Variants in IGF2R observed in about 807,000 individuals in gnomAD.
IGF2R encodes cation-independent mannose-6-phosphate receptor.
In IGF2R, 91 loss-of-function variants were observed where a neutral mutation model predicts 270.6. That is an observed-to-expected ratio of 0.34 (90% CI 0.28 to 0.40). IGF2R has a LOEUF of 0.40. Among genes scored for constraint, IGF2R ranks in the 10% least tolerant of loss-of-function variants. IGF2R has a pLI of 1.00. For missense variants in IGF2R, 2,805 were observed against 3,188.3 expected (o/e 0.88, Z 2.90); for synonymous variants, 1,316 against 1,258.9 (o/e 1.05, Z -0.96).
At chr6:160,081,710 C>T (rs1314536303) in intron 39 of IGF2R, among the ~76,000 whole-genome samples, 1 of 152,208 alleles carries the variant, frequency 6.6e-6, no homozygotes, top group African/African-American at 2.4e-5. Context: ...GGAATGCATT[C>T]TTTTCCCAGG....
In IGF2R at chr6:160,075,851, T is replaced by A; in HGVS notation, c.5171T>A (p.Ile1724Asn). ...KVPIDGPPIDIGRVAGPPILN... is the reference protein window; with the variant it reads ...KVPIDGPPIDNGRVAGPPILN... ...TTGCCCTCGCTCTTTGTTTAGGATA[T>A]CGGCCGGGTAGCAGGACCACCAATA... is the stretch of plus-strand genomic sequence containing the variant. Residue 1724 changes from isoleucine (I) to asparagine (N), a missense_variant, in exon 36 of 48, where the codon ATC becomes AAC. By Grantham distance (149) the Ile-to-Asn change is moderately radical. Coordinates refer to ENST00000356956, the MANE Select transcript of IGF2R (RefSeq NM_000876.4). 1.2e-6 allele frequency: 2 copies of A among 1,613,496 alleles called. No individual in the cohort carries two copies. The highest frequency in any genetic ancestry group is 1.7e-6 in the Non-Finnish European group (2 of 1,179,466).
intron 1 of IGF2R, among the ~76,000 whole-genome samples, chr6:159,978,154 T>G (rs1783722712): frequency 6.6e-6 from 1 of 152,206 alleles, no homozygotes; most frequent in African/African-American, 2.4e-5. Context: ...GTTTCATGAT[T>G]GGCACTCCAC....
At chr6:160,089,289 T>C (rs374097041) in intron 43 of IGF2R, 36 bp downstream of exon 43, 454 of 1,572,826 alleles carry the variant, frequency 2.9e-4, no homozygotes, top group Non-Finnish European at 3.8e-4. Flanking sequence ...CTGTGAAATG[T>C]GTTCAAAATT....
rs8191823 is a variant in IGF2R, at chr6:160,056,771, C to T, written c.2796+246C>T. 3.1e-3 allele frequency among the ~76,000 whole-genome samples: 476 copies of T among 152,314 alleles called. 5 individuals carry two copies. The highest frequency in any genetic ancestry group is 0.011 in the African/African-American group (460 of 41,554). ...ACTGTAGTTTCCTTCCTTTTGTTTC[C>T]ATTCCTTTGTGCCTTCCATGTGGCA... On this transcript the variant is annotated intron_variant, in intron 20 of 47. Transcript: ENST00000356956.
chr6:160,080,003 T>G (rs1177084973), intron 38 of IGF2R, 126 bp from the exon 39 acceptor site: 2 of 1,207,854 alleles, frequency 1.7e-6, no homozygotes. Flanking sequence ...TTTTGGCAGG[T>G]GAATGCCGGT....
At chr6:160,091,979 T>A (rs1038918494) in intron 44 of IGF2R, among the ~76,000 whole-genome samples, 1 of 152,264 alleles carries the variant, frequency 6.6e-6, no homozygotes, top group Admixed American at 6.5e-5. Context: ...GGTTTACATA[T>A]GCTGCTCTTG....
intron 22 of IGF2R, 48 bp downstream of exon 22, chr6:160,059,146 C>A: frequency 6.5e-7 from 1 of 1,530,006 alleles, no homozygotes. Flanking sequence ...GCCCTGGTGG[C>A]TCTGTGGCTG....
chr6:160,042,270 C>T (rs879355847), intron 11 of IGF2R, among the ~76,000 whole-genome samples: 7 of 152,186 alleles, frequency 4.6e-5, no homozygotes, highest in African/African-American at 7.2e-5. Flanking sequence ...TGTTCACATG[C>T]ACAGTCTTGT....
intron 45 of IGF2R, among the ~76,000 whole-genome samples, chr6:160,101,407 G>A (rs1413358754): frequency 2.0e-5 from 3 of 152,162 alleles, no homozygotes; most frequent in African/African-American, 7.2e-5. Context: ...GCTTCTTTCT[G>A]AGCAGAGGTC....
chr6:160,084,657 G>C lies in IGF2R; in HGVS notation c.6069-338G>C, dbSNP rs1779059918. Among the ~76,000 whole-genome samples the C allele has an allele frequency of 6.6e-6, 1 of 152,202 alleles. No homozygotes were observed. Among genetic ancestry groups the C allele is most frequent in the South Asian group, 2.1e-4 (1 of 4,822 alleles). ...GGGCATGGACTCACAGGGTTTAAGTGGTTCTAAGTGAGGTGGGAAACTTGC... is the reference window on the plus strand; with the variant it reads ...GGGCATGGACTCACAGGGTTTAAGTCGTTCTAAGTGAGGTGGGAAACTTGC... On this transcript the variant is annotated intron_variant, in intron 40 of 47. Transcript: ENST00000356956. This position sits in a 1 kb window ranked among gnomAD's most constrained non-coding sequence, Gnocchi z 4.6.
In IGF2R at chr6:160,102,485, G is replaced by A; in HGVS notation, c.6843-34G>A. The A allele has an allele frequency of 6.2e-7, 1 of 1,600,194 alleles. No individual in the cohort carries two copies. Among genetic ancestry groups the A allele is most frequent in the Non-Finnish European group, 8.5e-7 (1 of 1,171,520 alleles). On this transcript the variant is annotated intron_variant, in intron 45 of 47. Coordinates refer to ENST00000356956, the MANE Select transcript of IGF2R (RefSeq NM_000876.4). The surrounding 1 kb of genome is among the most constrained non-coding windows in gnomAD (Gnocchi z 4.5). Reference sequence around the variant, plus strand: ...GTGGCTGTGGCAGCAGGACCACCCTGTGACACGGCTCCTTTTCTGTGACGT... The same window carrying A: ...GTGGCTGTGGCAGCAGGACCACCCTATGACACGGCTCCTTTTCTGTGACGT...
intron 29 of IGF2R, among the ~76,000 whole-genome samples, chr6:160,066,275 A>G (rs1426549492): frequency 5.3e-5 from 8 of 151,930 alleles, no homozygotes; most frequent in Admixed American, 3.9e-4. Context: ...TTGGCCTCCC[A>G]AAGTGCTGGG....
In IGF2R at chr6:160,107,754, C is replaced by T. The variant is rs1248972221; in HGVS notation, c.*2670C>T. 4 of 152,202 alleles carry T rather than the reference C, an allele frequency of 2.6e-5. No individual in the cohort carries two copies. Among genetic ancestry groups the T allele is most frequent in the African/African-American group, 9.7e-5 (4 of 41,442 alleles). 9.4% of individuals were successfully genotyped at this position (152,202 alleles called of 1,614,324 possible). Reference sequence around the variant, plus strand: ...ATTTTAAGAGCATCTGAAGCCTGTACTTCACCAACCCTAAAATAATACGTA... The same window carrying T: ...ATTTTAAGAGCATCTGAAGCCTGTATTTCACCAACCCTAAAATAATACGTA... On this transcript the variant is annotated 3_prime_UTR_variant, in exon 48 of 48. Transcript: ENST00000356956.
Position 160,069,880 on chromosome 6 carries a change from C to G in IGF2R, c.4265C>G (p.Pro1422Arg). 1 of 1,614,080 alleles carries G rather than the reference C, an allele frequency of 6.2e-7. No individual in the cohort carries two copies. Among genetic ancestry groups the G allele is most frequent in the Non-Finnish European group, 8.5e-7 (1 of 1,180,012 alleles). The change falls in exon 31 of 48, where the codon CCA (proline) becomes CGA (arginine). Residue 1422 changes from proline to arginine, a missense_variant. Pro to Arg is a moderately radical substitution (Grantham distance 103). Around this residue, in one of 2 missense-constraint regions of IGF2R, gnomAD observed 1,851 missense variants for 2,207.2 expected, o/e 0.84. Coordinates refer to ENST00000356956, the MANE Select transcript of IGF2R (RefSeq NM_000876.4). Reference sequence around the variant, plus strand: ...TCTGGTGCTGCAGAGCCGTGCCCTCCAGAAGCAGCCGCGTGTCTGCTGGGT... The same window carrying G: ...TCTGGTGCTGCAGAGCCGTGCCCTCGAGAAGCAGCCGCGTGTCTGCTGGGT... The part of the protein sequence containing the change: ...APQAGTEPCP[P>R]EAAACLLGGS...
intron 1 of IGF2R, among the ~76,000 whole-genome samples, chr6:159,976,168 G>T (rs9347368): frequency 0.072 from 10,957 of 151,896 alleles, 430 homozygotes; most frequent in South Asian, 0.092. Context: ...TTTGATTATG[G>T]TTTTTTCTAG....
intron 1 of IGF2R, among the ~76,000 whole-genome samples, chr6:159,986,426 GTGTGT>G (rs1227504611): frequency 7.1e-5 from 8 of 111,952 alleles, no homozygotes; most frequent in South Asian, 3.8e-4. Context: ...GTGTGTGTGT[GTGTGT>G]TTTTTTTTTT....
chr6:160,028,519 A>G (rs1014813120), intron 6 of IGF2R, among the ~76,000 whole-genome samples: 8 of 152,252 alleles, frequency 5.3e-5, no homozygotes, highest in African/African-American at 1.7e-4. Flanking sequence ...CATGTGGGAC[A>G]CTGAGCAAGT....
intron 45 of IGF2R, among the ~76,000 whole-genome samples, chr6:160,099,269 T>G (rs1215862326): frequency 3.3e-5 from 5 of 152,222 alleles, no homozygotes; most frequent in African/African-American, 1.2e-4. Flanking sequence ...CATCGATAGG[T>G]TCTTGGAAAC....
At position 160,084,915 on chromosome 6, in the gene IGF2R, GT is replaced by G; in HGVS notation, c.6069-79del. 7.3e-7 allele frequency: 1 copy of G among 1,371,516 alleles called. No homozygotes were observed. Among genetic ancestry groups the G allele is most frequent in the Non-Finnish European group, 1.0e-6 (1 of 997,610 alleles). 85.0% of individuals were successfully genotyped at this position (1,371,516 alleles called of 1,614,324 possible). Reference sequence around the variant, plus strand: ...TAGTTATCAGAACCTTTCTCTGAAAGTAAAGTGAAGAGCCCTCCTGTGTCAG... The same window carrying G: ...TAGTTATCAGAACCTTTCTCTGAAAGAAAGTGAAGAGCCCTCCTGTGTCAG... On this transcript the variant is annotated intron_variant, in intron 40 of 47. Coordinates refer to ENST00000356956, the MANE Select transcript of IGF2R (RefSeq NM_000876.4). This position sits in a 1 kb window ranked among gnomAD's most constrained non-coding sequence, Gnocchi z 4.6.
Sources: allele counts gnomAD v4.1 joint callset (sites outside exome capture counted in the v4.1 genomes callset), GRCh38; gene constraint gnomAD v4.1.1; regional missense constraint gnomAD v4.1.1; non-coding constraint Gnocchi (gnomAD v3.1); transcripts MANE v1.5; gene names NCBI Gene and HGNC (gene_info 2026-07-23, HGNC 2026-07-21).